CLPTM1L: variants seen among roughly 807,000 people sequenced by gnomAD.
CLPTM1L encodes the protein lipid scramblase CLPTM1L.
In CLPTM1L, 38 loss-of-function variants were observed where a neutral mutation model predicts 70.9. That is an observed-to-expected ratio of 0.54 (90% CI 0.41 to 0.70). The LOEUF (loss-of-function observed/expected upper bound fraction) is 0.70. Ranked by LOEUF, CLPTM1L falls within the 30% of genes least tolerant of loss-of-function variation. The pLI is 0.00. For missense variants in CLPTM1L, 652 were observed against 705.9 expected (o/e 0.92, Z 0.87); for synonymous variants, 339 against 299.9 (o/e 1.13, Z -1.35).
chr5:1,321,313 G>A (rs761347940), intron 15 of CLPTM1L, among the ~76,000 whole-genome samples: 14 of 152,214 alleles, frequency 9.2e-5, no homozygotes, highest in South Asian at 2.1e-4. Context: ...GCCTGAATCC[G>A]TTGTCCCCAG....
intron 5 of CLPTM1L, among the ~76,000 whole-genome samples, chr5:1,335,428 G>T (rs1382846842): frequency 6.6e-6 from 1 of 152,204 alleles, no homozygotes; most frequent in Non-Finnish European, 1.5e-5. Context: ...AGCAGTGCCT[G>T]GTCTGTTTTG....
At position 1,322,884 on chromosome 5, in the gene CLPTM1L, G is replaced by T. The variant is rs202096751; in HGVS notation, c.1308C>A (p.Phe436Leu). 5 of 1,613,852 alleles carry T rather than the reference G, an allele frequency of 3.1e-6. No individual in the cohort carries two copies. In the African/African-American group the frequency reaches 4.0e-5, roughly 13 times the overall value. ...GGAAGCACATGGACTCACCGTTGACGAAGCTGTTGATTAACCAGGAGTACC... is the reference window on the plus strand; with the variant it reads ...GGAAGCACATGGACTCACCGTTGACTAAGCTGTTGATTAACCAGGAGTACC... ...KSWYSWLINS[F>L]VNGVYAFGFL... The change falls in exon 13 of 17, where the codon TTC becomes TTA. Residue 436 changes from phenylalanine (F) to leucine (L), a missense_variant. Physicochemically the swap from Phe to Leu is conservative, Grantham distance 22. Coordinates refer to ENST00000320895, the MANE Select transcript of CLPTM1L (RefSeq NM_030782.5).
At position 1,344,332 on chromosome 5, in the gene CLPTM1L, T is replaced by G; in HGVS notation, c.263+19A>C. The G allele has an allele frequency of 1.3e-6, 2 of 1,530,262 alleles. No homozygotes were observed. The highest frequency in any genetic ancestry group is 1.8e-6 in the Non-Finnish European group (2 of 1,103,408). The allele number at this position is 1,530,262 out of a possible 1,614,324, so 94.8% of individuals were successfully genotyped here. On this transcript the variant is annotated intron_variant, in intron 2 of 16. Transcript: ENST00000320895. ...AGTAATGTTTTCCCTTTCACTGGCA[T>G]TTTGTCCTACGCCCATACCTTTCAA... is the stretch of plus-strand genomic sequence containing the variant.
intron 4 of CLPTM1L, 64 bp downstream of exon 4, chr5:1,338,796 A>G: frequency 2.5e-6 from 4 of 1,597,214 alleles, no homozygotes; most frequent in Non-Finnish European, 3.4e-6. Context: ...CCTGCTGGCG[A>G]GTTCTGGCCA....
At chr5:1,326,171 A>C (rs1334458970) in intron 9 of CLPTM1L, 2 of 303,924 alleles carry the variant, frequency 6.6e-6, no homozygotes, top group East Asian at 1.4e-4. Flanking sequence ...CCGCTCTGAG[A>C]GCCGCCACCT....
intron 5 of CLPTM1L, among the ~76,000 whole-genome samples, chr5:1,335,415 G>A (rs369713965): frequency 5.3e-5 from 8 of 152,356 alleles, no homozygotes; most frequent in South Asian, 4.1e-4. Flanking sequence ...GCTCAGCAGC[G>A]CTAGCAGTGC....
rs775621154 is a variant in CLPTM1L, at chr5:1,323,865, A to G, written c.1202T>C (p.Met401Thr). The G allele has an allele frequency of 4.3e-6, 7 of 1,612,956 alleles. No individual in the cohort carries two copies. Among genetic ancestry groups the G allele is most frequent in the African/African-American group, 2.7e-5 (2 of 74,908 alleles). The change falls in exon 12 of 17, where the codon ATG becomes ACG. Residue 401 changes from methionine (M) to threonine (T), a missense_variant. By Grantham distance (81) the Met-to-Thr change is moderately conservative (BLOSUM62 -1). This residue lies in a region of CLPTM1L where 240 missense variants were observed against 295.0 expected (regional missense o/e 0.81). Coordinates refer to ENST00000320895, the MANE Select transcript of CLPTM1L (RefSeq NM_030782.5). ...RKTEEYDTQA[M>T]KYLSYLLYPL... ...GTACAGCAGGTATGACAAGTACTTC[A>G]TGGCCTGCAGGGAACAAAGATGGCT...
chr5:1,321,081 A>C (rs1335351264), intron 15 of CLPTM1L, among the ~76,000 whole-genome samples: 1 of 152,102 alleles, frequency 6.6e-6, no homozygotes, highest in African/African-American at 2.4e-5. Flanking sequence ...GCCGCCCGAG[A>C]CCACAGCCAA....
At chr5:1,326,830 A>G (rs544453919) in intron 9 of CLPTM1L, among the ~76,000 whole-genome samples, 2 of 150,214 alleles carry the variant, frequency 1.3e-5, no homozygotes, top group South Asian at 4.2e-4. Context: ...CATTTCATCC[A>G]GCTCCTCCTC....
At chr5:1,330,617 C>T (rs530724499) in intron 8 of CLPTM1L, 21 of 522,638 alleles carry the variant, frequency 4.0e-5, no homozygotes, top group East Asian at 3.3e-4. Flanking sequence ...TCCACAAACA[C>T]GTGTCTGAGC....
chr5:1,325,896 G>A, intron 9 of CLPTM1L, 80 bp from the exon 10 acceptor site: 4 of 1,232,230 alleles, frequency 3.2e-6, no homozygotes, highest in Non-Finnish European at 4.8e-6. Context: ...ACAGTAACGG[G>A]TAGGACCTGC....
intron 1 of CLPTM1L, 42 bp downstream of exon 1, chr5:1,344,638 C>G: frequency 1.3e-6 from 2 of 1,538,700 alleles, no homozygotes; most frequent in Non-Finnish European, 1.8e-6. Flanking sequence ...AGGAGAGGCC[C>G]CCACCCCAAC....
intron 8 of CLPTM1L, chr5:1,330,642 A>T: frequency 2.0e-6 from 1 of 501,948 alleles, no homozygotes; most frequent in Non-Finnish European, 3.6e-6. Context: ...CTTGCAAATG[A>T]GCATGGAACG....
chr5:1,333,259 G>T (rs1276812197), intron 7 of CLPTM1L, among the ~76,000 whole-genome samples: 4 of 112,978 alleles, frequency 3.5e-5, no homozygotes, highest in East Asian at 4.5e-4. Flanking sequence ...ACCAGATAAG[G>T]GGGGACTACT....
Position 1,341,846 on chromosome 5 carries a change from G to T in CLPTM1L, c.278C>A (p.Ser93Tyr). The change falls in exon 3 of 17, where the codon TCT (serine) becomes TAT (tyrosine). Residue 93 changes from serine (S) to tyrosine (Y), a missense_variant. Ser to Tyr is a moderately radical substitution (Grantham distance 144, BLOSUM62 -2). This residue lies in a region of CLPTM1L where 402 missense variants were observed against 388.2 expected (regional missense o/e 1.04). Transcript: ENST00000320895. ...ESKFERTVNV[S>Y]VPKKTRNNGT... ...ATTGTTTCTCGTTTTCTTTGGTACAGAAACATTAACTGTCCTGAAACAGAA... is the reference window on the plus strand; with the variant it reads ...ATTGTTTCTCGTTTTCTTTGGTACATAAACATTAACTGTCCTGAAACAGAA... 1 of 1,612,950 alleles carries T rather than the reference G, an allele frequency of 6.2e-7. No homozygotes were observed. Among genetic ancestry groups the T allele is most frequent in the Non-Finnish European group, 8.5e-7 (1 of 1,179,084 alleles).
At position 1,318,220 on chromosome 5, in the gene CLPTM1L, C is replaced by A. The variant is rs561080153; in HGVS notation, c.*149G>T. The A allele has an allele frequency of 1.5e-6, 1 of 646,798 alleles. No individual in the cohort carries two copies. The highest frequency in any genetic ancestry group is 2.5e-5 in the Admixed American group (1 of 39,598). The allele number at this position is 646,798 out of a possible 1,614,324, so 40.1% of individuals were successfully genotyped here. ...TAAGCGCTACCAGCTCCAAATCTGA[C>A]GTGATGGGAACTTGGGAGATGTCTG... is the stretch of plus-strand genomic sequence containing the variant. On this transcript the variant is annotated 3_prime_UTR_variant, in exon 17 of 17. Coordinates refer to ENST00000320895, the MANE Select transcript of CLPTM1L (RefSeq NM_030782.5). This position sits in a 1 kb window ranked among gnomAD's most constrained non-coding sequence, Gnocchi z 8.9.
chr5:1,336,077 CCT>C (rs368567369), intron 5 of CLPTM1L, among the ~76,000 whole-genome samples: 88 of 152,338 alleles, frequency 5.8e-4, no homozygotes, highest in African/African-American at 2.0e-3. Flanking sequence ...GCCAGGTTGC[CCT>C]GAGAGCGGCT....
rs35663888 is a variant in CLPTM1L, at chr5:1,326,853, T to C, written c.1081-1037A>G. Among the ~76,000 whole-genome samples the C allele has an allele frequency of 4.3e-3, 536 of 123,314 alleles. 21 individuals are homozygous for C. The highest frequency in any genetic ancestry group is 0.036 in the East Asian group (123 of 3,450). 80.9% of individuals were successfully genotyped at this position (123,314 alleles called of 152,430 possible). On this transcript the variant is annotated intron_variant, in intron 9 of 16. Transcript: ENST00000320895. ...CCAGCTCCTCCTCGACAGACACATT[T>C]CATCCAGCTCCTCCTCGACAGACAC...
At position 1,324,807 on chromosome 5, in the gene CLPTM1L, T is replaced by C; in HGVS notation, c.1153A>G (p.Thr385Ala). 1 of 1,614,002 alleles carries C rather than the reference T, an allele frequency of 6.2e-7. No homozygotes were observed. The highest frequency in any genetic ancestry group is 1.1e-5 in the South Asian group (1 of 91,084). The change falls in exon 11 of 17, where the codon ACT becomes GCT. Residue 385 changes from threonine to alanine, a missense_variant. By Grantham distance (58) the Thr-to-Ala change is moderately conservative. Transcript: ENST00000320895. Reference protein sequence around the residue: ...RGLMPEFQFGTYSESERKTEE... With the variant: ...RGLMPEFQFGAYSESERKTEE... ...GTTTTCCTCTCAGATTCGCTGTAAG[T>C]GCCAAACTGTTGTGAAATTCAACAC...
Sources: allele counts gnomAD v4.1 joint callset (sites outside exome capture counted in the v4.1 genomes callset), GRCh38; gene constraint gnomAD v4.1.1; regional missense constraint gnomAD v4.1.1; non-coding constraint Gnocchi (gnomAD v3.1); transcripts MANE v1.5; gene names NCBI Gene and HGNC (gene_info 2026-07-23, HGNC 2026-07-21).